The following ROBO1 variants were observed in gnomAD, a reference collection of about 807,000 sequenced individuals.
ROBO1 encodes roundabout guidance receptor 1.
Under a neutral mutation model 195.9 loss-of-function variants are expected in ROBO1, and 149 were observed. That is an observed-to-expected ratio of 0.76 (90% CI 0.67 to 0.87). ROBO1 has a LOEUF of 0.87. ROBO1 is among the 40% of genes least tolerant of loss of function. The pLI is 0.00. For synonymous variants in ROBO1, 816 were observed against 733.2 expected (o/e 1.11, Z -1.82); for missense variants, 1,933 against 2,068.3 (o/e 0.93, Z 1.27).
At chr3:78,787,886 C>T (rs927856982) in intron 4 of ROBO1, among the ~76,000 whole-genome samples, 4 of 149,104 alleles carry the variant, frequency 2.7e-5, no homozygotes, top group Admixed American at 2.0e-4. Flanking sequence ...TATGATCACA[C>T]CATTGCATTT....
intron 1 of ROBO1, among the ~76,000 whole-genome samples, chr3:79,730,768 CTTTTTTTTTTTT>C (rs66527491): frequency 9.0e-4 from 86 of 95,524 alleles, no homozygotes; most frequent in Admixed American, 1.3e-3. Context: ...CCTGTATTTC[CTTTTTTTTTTTT>C]TTTTTTTTTT....
At chr3:78,632,895 T>A (rs1705267060) in intron 24 of ROBO1, among the ~76,000 whole-genome samples, 1 of 152,166 alleles carries the variant, frequency 6.6e-6, no homozygotes, top group Non-Finnish European at 1.5e-5. Context: ...AGGATTGACT[T>A]AGCTTCAAAA....
rs541715878 is a variant in ROBO1 at position 79,024,097 on chromosome 3, G to A, written c.173-85170C>T. 2.6e-5 allele frequency among the ~76,000 whole-genome samples: 4 copies of A among 152,160 alleles called. No individual in the cohort carries two copies. In the East Asian group the frequency reaches 7.7e-4, roughly 29 times the overall value. ...CCACCAGATGATGTACTCCAGCCTCGCTATTGCTCTGTAAGGCTTATTAAG... is the reference window on the plus strand; with the variant it reads ...CCACCAGATGATGTACTCCAGCCTCACTATTGCTCTGTAAGGCTTATTAAG... On this transcript the variant is annotated intron_variant, in intron 3 of 30. Coordinates refer to ENST00000464233, the MANE Select transcript of ROBO1 (RefSeq NM_002941.4).
intron 1 of ROBO1, among the ~76,000 whole-genome samples, chr3:79,754,082 A>G (rs1704260761): frequency 6.6e-6 from 1 of 152,174 alleles, no homozygotes; most frequent in South Asian, 2.1e-4. Flanking sequence ...GAAAACTTTG[A>G]CCAATGTTCT....
At chr3:79,344,070 G>A (rs772636920) in intron 2 of ROBO1, among the ~76,000 whole-genome samples, 2 of 152,094 alleles carry the variant, frequency 1.3e-5, no homozygotes, top group African/African-American at 2.4e-5. Flanking sequence ...GAGGCTAATT[G>A]TTTCTTATTG....
intron 4 of ROBO1, among the ~76,000 whole-genome samples, chr3:78,777,117 G>A (rs943340498): frequency 2.4e-4 from 37 of 152,190 alleles, no homozygotes; most frequent in Middle Eastern, 3.4e-3. Context: ...TTAAGTGGAT[G>A]GAAAGTTTAT....
At chr3:79,256,643 T>A (rs1336143523) in intron 2 of ROBO1, among the ~76,000 whole-genome samples, 1 of 152,190 alleles carries the variant, frequency 6.6e-6, no homozygotes, top group East Asian at 1.9e-4. Context: ...TCAAGATATT[T>A]GATGAACTCA....
At chr3:79,260,432 T>C (rs1335633445) in intron 2 of ROBO1, among the ~76,000 whole-genome samples, 1 of 152,046 alleles carries the variant, frequency 6.6e-6, no homozygotes, top group Non-Finnish European at 1.5e-5. Flanking sequence ...ATCTGGAACC[T>C]CCAAAATTAT....
chr3:78,620,970 G>A (rs1376038745), intron 26 of ROBO1, among the ~76,000 whole-genome samples: 2 of 149,582 alleles, frequency 1.3e-5, no homozygotes, highest in Non-Finnish European at 3.0e-5. Flanking sequence ...AGAAATAAAA[G>A]CTAATATATT....
chr3:78,626,481 C>T lies in ROBO1; in HGVS notation c.3875+840G>A, dbSNP rs114037530. Among the ~76,000 whole-genome samples, 1,475 of 152,000 alleles carry T rather than the reference C, an allele frequency of 9.7e-3. 12 individuals are homozygous for T. The highest frequency in any genetic ancestry group is 0.017 in the Middle Eastern group (5 of 294). Reference sequence around the variant, plus strand: ...CAAAAATCGCAGTTTGTTATTCATTCGAGAATATCAAAGGAACCTCTTCTG... The same window carrying T: ...CAAAAATCGCAGTTTGTTATTCATTTGAGAATATCAAAGGAACCTCTTCTG... On this transcript the variant is annotated intron_variant, in intron 26 of 30. Transcript: ENST00000464233.
chr3:79,371,223 A>G (rs1273346454), intron 2 of ROBO1, among the ~76,000 whole-genome samples: 1 of 152,138 alleles, frequency 6.6e-6, no homozygotes, highest in Non-Finnish European at 1.5e-5. Flanking sequence ...TACTGGGTCA[A>G]ATGGTGTCTC....
intron 4 of ROBO1, among the ~76,000 whole-genome samples, chr3:78,798,765 G>C (rs2084261640): frequency 6.6e-6 from 1 of 152,154 alleles, no homozygotes; most frequent in African/African-American, 2.4e-5. Context: ...TTCAGTTCAA[G>C]GAAACTTCCA....
chr3:78,977,889 T>C (rs1438239138), intron 3 of ROBO1, among the ~76,000 whole-genome samples: 1 of 152,086 alleles, frequency 6.6e-6, no homozygotes, highest in East Asian at 1.9e-4. Flanking sequence ...AATATCTATA[T>C]AGTAAGCTGT....
At chr3:79,413,330 T>C (rs1304637353) in intron 2 of ROBO1, among the ~76,000 whole-genome samples, 5 of 152,032 alleles carry the variant, frequency 3.3e-5, no homozygotes, top group African/African-American at 1.2e-4. Flanking sequence ...AAGCTGGGTA[T>C]AAGGCAAGAG....
chr3:78,630,803 C>G (rs1705130569), intron 25 of ROBO1, among the ~76,000 whole-genome samples: 1 of 152,140 alleles, frequency 6.6e-6, no homozygotes, highest in South Asian at 2.1e-4. Flanking sequence ...TAAATTCACA[C>G]GATTATCTTT....
At chr3:79,111,886 C>A (rs147754492) in intron 3 of ROBO1, among the ~76,000 whole-genome samples, 2 of 152,234 alleles carry the variant, frequency 1.3e-5, no homozygotes, top group African/African-American at 4.8e-5. Flanking sequence ...ACCAGGAATT[C>A]TTTGGCAGAA....
At chr3:79,469,858 G>T (rs377566078) in intron 2 of ROBO1, among the ~76,000 whole-genome samples, 51 of 152,198 alleles carry the variant, frequency 3.4e-4, no homozygotes, top group African/African-American at 3.4e-4. Flanking sequence ...AAAAAAAAGT[G>T]TCAGTACCAG....
At chr3:79,695,578 A>C (rs1031097260) in intron 1 of ROBO1, among the ~76,000 whole-genome samples, 6 of 151,596 alleles carry the variant, frequency 4.0e-5, no homozygotes, top group Admixed American at 2.0e-4. Context: ...AAAACCGAGA[A>C]CAGAATAAGA....
At chr3:78,778,126 T>C (rs565116906) in intron 4 of ROBO1, among the ~76,000 whole-genome samples, 2 of 152,218 alleles carry the variant, frequency 1.3e-5, no homozygotes, top group African/African-American at 2.4e-5. Context: ...GTTTATGTGA[T>C]GGATTATATT....
Sources: allele counts gnomAD v4.1 joint callset (sites outside exome capture counted in the v4.1 genomes callset), GRCh38; gene constraint gnomAD v4.1.1; transcripts MANE v1.5; gene names NCBI Gene and HGNC (gene_info 2026-07-23, HGNC 2026-07-21).